Variants in PLXNC1 observed in about 807,000 individuals in gnomAD.
PLXNC1 encodes the protein plexin-C1.
Under a neutral mutation model 178.2 loss-of-function variants are expected in PLXNC1, and 75 were observed. The observed-to-expected ratio is 0.42, with a 90% CI of 0.35 to 0.51. The LOEUF is 0.51. PLXNC1 is among the 20% of genes least tolerant of loss of function. The probability of loss-of-function intolerance (pLI) is 0.02; values close to 1 mark genes in which losing one functional copy is unlikely to be tolerated. For missense variants in PLXNC1, 1,503 were observed against 1,984.4 expected (o/e 0.76, Z 4.61); for synonymous variants, 790 against 779.9 (o/e 1.01, Z -0.22).
chr12:94,206,605 A>C (rs1191014767), intron 4 of PLXNC1, among the ~76,000 whole-genome samples: 2 of 152,078 alleles, frequency 1.3e-5, no homozygotes, highest in East Asian at 3.8e-4. Flanking sequence ...TATTAGCTCT[A>C]AGTGGAAATA....
intron 9 of PLXNC1, among the ~76,000 whole-genome samples, chr12:94,228,754 C>T (rs1964014065): frequency 6.6e-6 from 1 of 152,156 alleles, no homozygotes. Flanking sequence ...CTAAGGTTGA[C>T]TAATATTCCA....
chr12:94,297,289 G>T (rs760898811), intron 25 of PLXNC1, 27 bp from the exon 26 acceptor site: 2 of 1,612,540 alleles, frequency 1.2e-6, no homozygotes, highest in South Asian at 1.1e-5. Context: ...GTCTCCTTGG[G>T]TAACGCTTCT....
intron 24 of PLXNC1, among the ~76,000 whole-genome samples, chr12:94,295,374 T>C (rs1967807817): frequency 6.6e-6 from 1 of 152,256 alleles, no homozygotes; most frequent in African/African-American, 2.4e-5. Context: ...GAAGCCATCT[T>C]GCAGAGATCA....
chr12:94,244,728 T>C (rs1162881189), intron 12 of PLXNC1, among the ~76,000 whole-genome samples: 1 of 152,148 alleles, frequency 6.6e-6, no homozygotes, highest in Admixed American at 6.5e-5. Context: ...AGCTAAAAAA[T>C]GGTTTGTGCA....
At chr12:94,280,382 G>A (rs1227159103) in intron 22 of PLXNC1, among the ~76,000 whole-genome samples, 2 of 152,206 alleles carry the variant, frequency 1.3e-5, no homozygotes, top group African/African-American at 4.8e-5. Context: ...AGTGTAACGA[G>A]GTTCACTTCC....
At chr12:94,283,244 T>C (rs1367915909) in intron 23 of PLXNC1, among the ~76,000 whole-genome samples, 1 of 151,902 alleles carries the variant, frequency 6.6e-6, no homozygotes, top group Non-Finnish European at 1.5e-5. Flanking sequence ...CTGGAGGAGG[T>C]TATGACTGAA....
Position 94,181,431 on chromosome 12 carries a change from GAAA to G in PLXNC1, c.1204-6_1204-4del. 1 of 1,111,976 alleles carries G rather than the reference GAAA, an allele frequency of 9.0e-7. No individual in the cohort carries two copies. The highest frequency in any genetic ancestry group is 1.2e-6 in the Non-Finnish European group (1 of 807,930). 68.9% of individuals were successfully genotyped at this position (1,111,976 alleles called of 1,614,324 possible). ...AAATAGAAATCATGTTTCTCTTTTTGAAAAAAAAAAATAGGTTATTCTTGGTGA... is the reference window on the plus strand; with the variant it reads ...AAATAGAAATCATGTTTCTCTTTTTGAAAAAAAATAGGTTATTCTTGGTGA... On this transcript the variant is annotated splice_polypyrimidine_tract_variant and intron_variant, in intron 2 of 30. Coordinates refer to ENST00000258526, the MANE Select transcript of PLXNC1 (RefSeq NM_005761.3).
intron 23 of PLXNC1, among the ~76,000 whole-genome samples, chr12:94,285,126 CTG>C (rs1440266573): frequency 2.0e-5 from 3 of 152,142 alleles, no homozygotes; most frequent in Admixed American, 6.5e-5. Context: ...TTGGGGATGA[CTG>C]TGCAGATGCC....
intron 1 of PLXNC1, among the ~76,000 whole-genome samples, chr12:94,157,005 A>G (rs1565784844): frequency 1.3e-5 from 2 of 152,132 alleles, no homozygotes; most frequent in African/African-American, 4.8e-5. Context: ...CTTGCCTCCC[A>G]CTGTACATCT....
intron 2 of PLXNC1, among the ~76,000 whole-genome samples, chr12:94,171,322 T>A (rs1961835774): frequency 6.6e-6 from 1 of 152,190 alleles, no homozygotes; most frequent in Non-Finnish European, 1.5e-5. Flanking sequence ...GCCTCGTTGT[T>A]TTTTTCAAGG....
chr12:94,166,631 A>G (rs915339924), intron 1 of PLXNC1, among the ~76,000 whole-genome samples: 3 of 152,010 alleles, frequency 2.0e-5, no homozygotes, highest in African/African-American at 4.8e-5. Flanking sequence ...ATTAGATACT[A>G]GAAAGCTAAC....
intron 15 of PLXNC1, chr12:94,254,459 G>T: frequency 2.0e-6 from 1 of 493,442 alleles, no homozygotes. Flanking sequence ...AAGAAACTTG[G>T]CTTGTTTCAT....
chr12:94,269,263 GC>G (rs1301701247), intron 21 of PLXNC1, among the ~76,000 whole-genome samples: 1 of 152,146 alleles, frequency 6.6e-6, no homozygotes, highest in Non-Finnish European at 1.5e-5. Flanking sequence ...AAATATTATT[GC>G]CTTCATTCTC....
intron 20 of PLXNC1, among the ~76,000 whole-genome samples, chr12:94,261,134 G>C (rs1310745839): frequency 1.3e-5 from 2 of 148,314 alleles, no homozygotes; most frequent in Non-Finnish European, 3.0e-5. Context: ...TTAAGAAAAT[G>C]TACTGAGAAA....
intron 4 of PLXNC1, among the ~76,000 whole-genome samples, chr12:94,205,437 T>C (rs1347686757): frequency 6.6e-6 from 1 of 152,208 alleles, no homozygotes; most frequent in African/African-American, 2.4e-5. Flanking sequence ...TGCAAATATA[T>C]AGTAGTAAAG....
At chr12:94,239,755 G>C (rs1410301720) in intron 10 of PLXNC1, among the ~76,000 whole-genome samples, 1 of 152,206 alleles carries the variant, frequency 6.6e-6, no homozygotes, top group Non-Finnish European at 1.5e-5. Context: ...GACAGCCCCA[G>C]CTAAGTCCCA....
At chr12:94,236,687 G>A (rs1208415086) in intron 9 of PLXNC1, among the ~76,000 whole-genome samples, 4 of 152,308 alleles carry the variant, frequency 2.6e-5, no homozygotes, top group East Asian at 3.9e-4. Flanking sequence ...GTTCACTCTT[G>A]CTGAAGTTCT....
intron 21 of PLXNC1, among the ~76,000 whole-genome samples, chr12:94,269,814 CT>C (rs1965465468): frequency 6.6e-6 from 1 of 152,198 alleles, no homozygotes; most frequent in African/African-American, 2.4e-5. Flanking sequence ...CCATTACTAA[CT>C]TCATAGTTAG....
At position 94,263,506 on chromosome 12, in the gene PLXNC1, A is replaced by G. The variant is rs191333175; in HGVS notation, c.3451-1573A>G. Among the ~76,000 whole-genome samples, 291 of 150,926 alleles carry G rather than the reference A, an allele frequency of 1.9e-3. 1 individual carries two copies. Among genetic ancestry groups the G allele is most frequent in the African/African-American group, 6.7e-3 (275 of 40,978 alleles). On this transcript the variant is annotated intron_variant, in intron 20 of 30. Coordinates refer to ENST00000258526, the MANE Select transcript of PLXNC1 (RefSeq NM_005761.3). ...CCCCGAGAGCCCACCTGGCCCCCTG[A>G]CTCCAACCCCTGCGGGAGTACACAG...
Sources: allele counts gnomAD v4.1 joint callset (sites outside exome capture counted in the v4.1 genomes callset), GRCh38; gene constraint gnomAD v4.1.1; transcripts MANE v1.5; gene names NCBI Gene and HGNC (gene_info 2026-07-23, HGNC 2026-07-21).